PCDHA2: variants seen among roughly 807,000 people sequenced by gnomAD.
PCDHA2 encodes the protein protocadherin alpha 2.
Under a neutral mutation model 66.0 loss-of-function variants are expected in PCDHA2, and 58 were observed. The observed-to-expected ratio is 0.88, with a 90% CI of 0.71 to 1.09. The LOEUF is 1.09. Ranked by LOEUF, PCDHA2 falls within the 50% of genes least tolerant of loss-of-function variation. The pLI, the probability that PCDHA2 is intolerant of heterozygous loss-of-function variation, is 0.00. For synonymous variants in PCDHA2, 634 were observed against 554.0 expected, an observed-to-expected ratio of 1.14 and a Z score of -2.03; for missense variants, 1,267 against 1,242.3, an observed-to-expected ratio of 1.02 and a Z score of -0.30.
At position 140,927,384 on chromosome 5, in the gene PCDHA2, C is replaced by G. The variant is rs2084146194; in HGVS notation, c.2389-51565C>G. On this transcript the variant is annotated intron_variant, in intron 1 of 3. Transcript: ENST00000526136. Reference sequence around the variant, plus strand: ...ATGGGATACTAAGCTACAGCCTAAGCCCCAGTCAGCACTTTCGCCTGGACA... The same window carrying G: ...ATGGGATACTAAGCTACAGCCTAAGGCCCAGTCAGCACTTTCGCCTGGACA... 1 of 1,613,996 alleles carries G rather than the reference C, an allele frequency of 6.2e-7. No individual in the cohort carries two copies. The highest frequency in any genetic ancestry group is 1.7e-5 in the Admixed American group (1 of 60,010).
chr5:140,840,974 G>T (rs1202525007), intron 1 of PCDHA2, among the ~76,000 whole-genome samples: 1 of 152,020 alleles, frequency 6.6e-6, no homozygotes, highest in Non-Finnish European at 1.5e-5. Flanking sequence ...TTATGAAGAA[G>T]AAATCCCTAG....
chr5:140,981,468 G>A (rs1554242887), intron 2 of PCDHA2, among the ~76,000 whole-genome samples: 1 of 152,172 alleles, frequency 6.6e-6, no homozygotes, highest in Non-Finnish European at 1.5e-5. Context: ...CAGCTACTTG[G>A]GAGGCTGAGG....
rs2150131677 is a variant in PCDHA2 at position 140,824,025 on chromosome 5, G to A, written c.2388+26673G>A. ...GCGCGGTGGGGAGCTGGTCGTACTC[G>A]CAGCAGAGGAGACAGAGGGTGTGCT... is the stretch of plus-strand genomic sequence containing the variant. On this transcript the variant is annotated intron_variant, in intron 1 of 3. Transcript: ENST00000526136. The A allele has an allele frequency of 1.1e-5, 17 of 1,614,020 alleles. No homozygotes were observed. In the African/African-American group the frequency reaches 1.7e-4, roughly 16 times the overall value.
intron 1 of PCDHA2, among the ~76,000 whole-genome samples, chr5:140,932,235 G>A (rs372410374): frequency 4.0e-5 from 6 of 151,638 alleles, no homozygotes; most frequent in African/African-American, 1.5e-4. Context: ...TTTTAGAATG[G>A]TATCTAAGAG....
chr5:140,994,568 G>T (rs1240135648), intron 3 of PCDHA2, among the ~76,000 whole-genome samples: 1 of 151,992 alleles, frequency 6.6e-6, no homozygotes, highest in Non-Finnish European at 1.5e-5. Context: ...AGCCGGGTGT[G>T]GTGGCATGCA....
chr5:140,797,581 G>A (rs1399116401), intron 1 of PCDHA2: 9 of 622,036 alleles, frequency 1.4e-5, no homozygotes, highest in African/African-American at 1.1e-4. Flanking sequence ...CCATCATTAA[G>A]TCATAAGTAA....
chr5:140,927,254 C>T, intron 1 of PCDHA2: 2 of 1,614,132 alleles, frequency 1.2e-6, no homozygotes, highest in Non-Finnish European at 1.7e-6. Flanking sequence ...AATGACAACT[C>T]ACCTCTCTTT....
intron 1 of PCDHA2, chr5:140,857,407 G>C (rs372428918): frequency 6.3e-7 from 1 of 1,598,496 alleles, no homozygotes; most frequent in Admixed American, 1.7e-5. Context: ...ACGCGCCTGC[G>C]TTCGCGCAGT....
At chr5:140,998,645 A>T (rs1020510258) in intron 3 of PCDHA2, among the ~76,000 whole-genome samples, 12 of 151,600 alleles carry the variant, frequency 7.9e-5, no homozygotes, top group Non-Finnish European at 1.6e-4. Context: ...GCTCACTGCA[A>T]CCTCTGCCTC....
Position 140,883,366 on chromosome 5 carries a change from C to A in PCDHA2, c.2388+86014C>A, listed in dbSNP as rs34923516. 1.2e-5 allele frequency: 19 copies of A among 1,614,056 alleles called. No individual in the cohort carries two copies. In the African/African-American group the frequency reaches 2.4e-4, roughly 20 times the overall value. On this transcript the variant is annotated intron_variant, in intron 1 of 3. Transcript: ENST00000526136. ...CCATCAGAGAAGACACTCAGCCTAGCGCCATTATTGCCCTAATCAGTGTGT... is the reference window on the plus strand; with the variant it reads ...CCATCAGAGAAGACACTCAGCCTAGAGCCATTATTGCCCTAATCAGTGTGT...
chr5:140,988,578 C>A (rs1490917539), intron 3 of PCDHA2, among the ~76,000 whole-genome samples: 1 of 152,138 alleles, frequency 6.6e-6, no homozygotes, highest in African/African-American at 2.4e-5. Context: ...ACACTCTGTA[C>A]CTTCCACTTT....
chr5:140,990,834 A>G (rs1554251782), intron 3 of PCDHA2, among the ~76,000 whole-genome samples: 1 of 152,234 alleles, frequency 6.6e-6, no homozygotes, highest in East Asian at 1.9e-4. Flanking sequence ...AAAGCCTATT[A>G]GCAAAAATAG....
intron 2 of PCDHA2, among the ~76,000 whole-genome samples, chr5:140,979,453 A>G (rs2096852067): frequency 6.6e-6 from 1 of 151,906 alleles, no homozygotes; most frequent in Admixed American, 6.6e-5. Flanking sequence ...TATTACCCTC[A>G]ATAATTGATT....
At chr5:140,966,845 C>A in intron 1 of PCDHA2, 1 of 1,570,444 alleles carries the variant, frequency 6.4e-7, no homozygotes, top group Non-Finnish European at 8.6e-7. Flanking sequence ...GCTGCTACTG[C>A]CTCTCCTGCT....
rs782770242 is a variant in PCDHA2, at chr5:140,795,416, G to T, written c.452G>T (p.Arg151Leu). Residue 151 changes from arginine to leucine, a missense_variant, in exon 1 of 4, where the codon CGG (arginine) becomes CTG (leucine). Transcript: ENST00000526136. ...CCCGAATCAAGGCTGCTTGATTCTC[G>T]GTTTCCTCTAGAGGGAGCATCTGAT... is the stretch of plus-strand genomic sequence containing the variant. Reference protein sequence around the residue: ...RFPESRLLDSRFPLEGASDAD... With the variant: ...RFPESRLLDSLFPLEGASDAD... 3 of 1,614,128 alleles carry T rather than the reference G, an allele frequency of 1.9e-6. No homozygotes were observed. Among genetic ancestry groups the T allele is most frequent in the South Asian group, 2.2e-5 (2 of 91,084 alleles).
At chr5:140,887,668 A>G (rs1047587717) in intron 1 of PCDHA2, among the ~76,000 whole-genome samples, 1 of 151,958 alleles carries the variant, frequency 6.6e-6, no homozygotes, top group Non-Finnish European at 1.5e-5. Context: ...CTGTGGATTT[A>G]TCATTTTCAT....
intron 1 of PCDHA2, among the ~76,000 whole-genome samples, chr5:140,954,291 T>C (rs1309677058): frequency 6.6e-6 from 1 of 152,230 alleles, no homozygotes; most frequent in African/African-American, 2.4e-5. Context: ...TTCCTTTGGG[T>C]ACATACCCAG....
intron 1 of PCDHA2, among the ~76,000 whole-genome samples, chr5:140,840,723 G>A (rs2150309194): frequency 6.6e-6 from 1 of 152,104 alleles, no homozygotes; most frequent in East Asian, 1.9e-4. Flanking sequence ...ATTGAATAAA[G>A]AAAAGCAAAA....
chr5:140,845,311 A>G (rs1384736573), intron 1 of PCDHA2, among the ~76,000 whole-genome samples: 1 of 149,364 alleles, frequency 6.7e-6, no homozygotes, highest in Non-Finnish European at 1.5e-5. Flanking sequence ...CCTGGTTCTC[A>G]GGTATTACTT....
Sources: gnomAD v4.1 joint callset for allele counts (sites outside exome capture counted in the v4.1 genomes callset) on GRCh38, gnomAD v4.1.1 for gene constraint, MANE v1.5 for transcripts, NCBI Gene and HGNC (gene_info 2026-07-23, HGNC 2026-07-21) for gene names.